SATB1: variants seen among roughly 807,000 people sequenced by gnomAD.
The protein encoded by SATB1 is DNA-binding protein SATB1.
Under a neutral mutation model 86.9 loss-of-function variants are expected in SATB1, and 11 were observed. The ratio of observed to expected loss-of-function variants is 0.13; its 90% CI spans 0.08 to 0.21. The LOEUF is 0.21. Ranked by LOEUF, SATB1 falls within the 10% of genes least tolerant of loss-of-function variation. The pLI is 1.00. For synonymous variants in SATB1, 357 were observed against 357.2 expected, an observed-to-expected ratio of 1.00 and a Z score of 0.01; for missense variants, 551 against 937.6, an observed-to-expected ratio of 0.59 and a Z score of 5.39.
At chr3:18,379,696 C>T (rs1384359766) in intron 8 of SATB1, among the ~76,000 whole-genome samples, 3 of 152,098 alleles carry the variant, frequency 2.0e-5, no homozygotes, top group African/African-American at 2.4e-5. Flanking sequence ...AATTTCTAGC[C>T]AATTAGCAAA....
At chr3:18,398,399 A>C (rs900531197) in intron 5 of SATB1, among the ~76,000 whole-genome samples, 8 of 152,192 alleles carry the variant, frequency 5.3e-5, no homozygotes, top group African/African-American at 1.9e-4. Context: ...GAAACATGAG[A>C]ACTCACATTT....
At chr3:18,359,004 A>AAATTATT (rs1694784630) in intron 9 of SATB1, among the ~76,000 whole-genome samples, 1 of 152,066 alleles carries the variant, frequency 6.6e-6, no homozygotes, top group African/African-American at 2.4e-5. Flanking sequence ...CACAGAAAGA[A>AAATTATT]AATTATTAGC....
At chr3:18,393,532 C>T (rs975666273) in intron 7 of SATB1, among the ~76,000 whole-genome samples, 1 of 152,086 alleles carries the variant, frequency 6.6e-6, no homozygotes, top group African/African-American at 2.4e-5. Context: ...CTCCATGACC[C>T]TCTTAAACAT....
intron 5 of SATB1, 41 bp from the exon 6 acceptor site, chr3:18,397,331 G>T: frequency 9.4e-7 from 1 of 1,065,212 alleles, no homozygotes; most frequent in Non-Finnish European, 1.5e-6. Flanking sequence ...ATACACAGCA[G>T]CACAAGATGG....
At position 18,349,098 on chromosome 3, in the gene SATB1, G is replaced by C; in HGVS notation, c.*72C>G. ...AATGAACAACAAAGGTTTTCTGAGA[G>C]AAGACAAGGTGGACTTTTCATTTTG... On this transcript the variant is annotated 3_prime_UTR_variant, in exon 11 of 11. Coordinates refer to ENST00000338745, the MANE Select transcript of SATB1 (RefSeq NM_002971.6). This position sits in a 1 kb window ranked among gnomAD's most constrained non-coding sequence, Gnocchi z 5.5. 6.5e-7 allele frequency: 1 copy of C among 1,542,496 alleles called. No individual in the cohort carries two copies. The highest frequency in any genetic ancestry group is 1.4e-5 in the African/African-American group (1 of 72,526).
intron 5 of SATB1, among the ~76,000 whole-genome samples, chr3:18,403,601 C>G (rs1697376592): frequency 6.6e-6 from 1 of 151,964 alleles, no homozygotes; most frequent in African/African-American, 2.4e-5. Context: ...GGCACAAAGT[C>G]TAAAATAATT....
intron 4 of SATB1, among the ~76,000 whole-genome samples, chr3:18,415,690 AT>A (rs1444721126): frequency 1.3e-5 from 2 of 152,066 alleles, no homozygotes; most frequent in Admixed American, 6.6e-5. Context: ...ATGCAAAAAT[AT>A]TTTTTTCTTA....
In SATB1 at chr3:18,399,087, T is replaced by C. The variant is rs77519600; in HGVS notation, c.640-1797A>G. Among the ~76,000 whole-genome samples, 41 of 152,338 alleles carry C rather than the reference T, an allele frequency of 2.7e-4. No homozygotes were observed. In the East Asian group the frequency reaches 7.7e-3, roughly 29 times the overall value. ...AAAATTATTACTCTTTATCTAGACA[T>C]TCTGGCAGTTCCTTAAATGTTAATA... On this transcript the variant is annotated intron_variant, in intron 5 of 10. Transcript: ENST00000338745.
intron 5 of SATB1, among the ~76,000 whole-genome samples, chr3:18,398,220 A>G (rs757738050): frequency 1.6e-4 from 25 of 152,104 alleles, no homozygotes; most frequent in Non-Finnish European, 3.4e-4. Flanking sequence ...CTTTTTTTAA[A>G]TCATTTTCAA....
intron 5 of SATB1, among the ~76,000 whole-genome samples, chr3:18,414,327 C>T (rs1575161395): frequency 6.6e-6 from 1 of 151,830 alleles, no homozygotes; most frequent in East Asian, 1.9e-4. Context: ...TATTTGAAAT[C>T]AGCTGAGTTT....
At chr3:18,445,225 G>T in intron 1 of SATB1, 1 of 981,938 alleles carries the variant, frequency 1.0e-6, no homozygotes, top group Non-Finnish European at 1.2e-6. Flanking sequence ...CCCCCTGGCG[G>T]TGGGAGCCTC....
At chr3:18,440,647 C>G (rs947564783), upstream of SATB1, among the ~76,000 whole-genome samples, 4 of 152,164 alleles carry the variant, frequency 2.6e-5, no homozygotes, top group Non-Finnish European at 5.9e-5. Flanking sequence ...ATTACTGAAG[C>G]CTGATGCTCA....
At chr3:18,357,326 A>T (rs1008374627) in intron 9 of SATB1, among the ~76,000 whole-genome samples, 4 of 151,946 alleles carry the variant, frequency 2.6e-5, no homozygotes, top group African/African-American at 9.7e-5. Context: ...GATTAAGTAC[A>T]TAATCCATTA....
intron 4 of SATB1, among the ~76,000 whole-genome samples, 193 bp downstream of exon 4, chr3:18,415,814 G>C (rs3892469): frequency 1.3e-5 from 2 of 151,602 alleles, no homozygotes; most frequent in South Asian, 2.1e-4. Context: ...TGTGTGTGGG[G>C]GGGGGGATTG....
intron 9 of SATB1, among the ~76,000 whole-genome samples, chr3:18,356,325 A>G (rs994898779): frequency 6.6e-6 from 1 of 151,412 alleles, no homozygotes; most frequent in African/African-American, 2.4e-5. Context: ...AAGCAAGAAA[A>G]TGGTGCAAAA....
intron 9 of SATB1, among the ~76,000 whole-genome samples, chr3:18,358,034 G>T (rs1172281350): frequency 1.3e-5 from 2 of 151,938 alleles, no homozygotes; most frequent in Non-Finnish European, 2.9e-5. Flanking sequence ...TAGGTTAAAA[G>T]GGTGAACTGA....
chr3:18,421,321 C>T (rs974255093), intron 1 of SATB1: 4 of 193,410 alleles, frequency 2.1e-5, no homozygotes, highest in African/African-American at 7.1e-5. Context: ...CAGCAAATTG[C>T]ATTTACGTAG....
In SATB1 at chr3:18,386,451, G is replaced by A. The variant is rs371477432; in HGVS notation, c.1367C>T (p.Ser456Leu). 1 of 1,614,088 alleles carries A rather than the reference G, an allele frequency of 6.2e-7. No individual in the cohort carries two copies. Among genetic ancestry groups the A allele is most frequent in the Non-Finnish European group, 8.5e-7 (1 of 1,180,016 alleles). Residue 456 changes from serine (S) to leucine (L), a missense_variant, in exon 8 of 11, where the codon TCG becomes TTG. Around this residue, in one of 8 missense-constraint regions of SATB1, gnomAD observed 110 missense variants for 212.2 expected, o/e 0.52. Transcript: ENST00000338745. The surrounding 1 kb of genome is among the most constrained non-coding windows in gnomAD (Gnocchi z 4.5). ...GATGAGGGGGGCAGGACCCATGGCC[G>A]AGGCAGCATTCAAGCTCCTTTCCCT... ...DERERSLNAASAMGPAPLIST... is the reference protein window; with the variant it reads ...DERERSLNAALAMGPAPLIST...
chr3:18,354,795 T>C (rs991542705), intron 9 of SATB1, among the ~76,000 whole-genome samples: 1 of 152,060 alleles, frequency 6.6e-6, no homozygotes, highest in African/African-American at 2.4e-5. Flanking sequence ...GATAGCTAAT[T>C]CCTAAACAAT....
Sources: allele counts gnomAD v4.1 joint callset (sites outside exome capture counted in the v4.1 genomes callset), GRCh38; gene constraint gnomAD v4.1.1; regional missense constraint gnomAD v4.1.1; non-coding constraint Gnocchi (gnomAD v3.1); transcripts MANE v1.5; gene names NCBI Gene and HGNC (gene_info 2026-07-23, HGNC 2026-07-21).